Variants in MUC5B observed in about 807,000 individuals in gnomAD.
MUC5B encodes the protein mucin-5B.
Under a neutral mutation model 376.9 loss-of-function variants are expected in MUC5B, and 116 were observed. The ratio of observed to expected loss-of-function variants is 0.31; its 90% confidence interval spans 0.26 to 0.36. MUC5B has a LOEUF of 0.36. Ranked by LOEUF, MUC5B falls within the 10% of genes least tolerant of loss-of-function variation. The pLI, the probability that MUC5B is intolerant of heterozygous loss-of-function variation, is 1.00. For synonymous variants in MUC5B, 3,517 were observed against 3,390.9 expected, an observed-to-expected ratio of 1.04 and a Z score of -1.29; for missense variants, 7,165 against 7,769.9, an observed-to-expected ratio of 0.92 and a Z score of 2.93.
At position 1,234,247 on chromosome 11, in the gene MUC5B, C is replaced by T. The variant is rs758916290; in HGVS notation, c.2420C>T (p.Ser807Leu). The change falls in exon 20 of 49, where the codon TCG (serine) becomes TTG (leucine). Residue 807 changes from serine (S) to leucine (L), a missense_variant. Physicochemically the swap from Ser to Leu is moderately radical, Grantham distance 145 (BLOSUM62 -2). Around this residue, in one of 31 missense-constraint regions of MUC5B, gnomAD observed 530 missense variants for 604.0 expected, o/e 0.88. Coordinates refer to ENST00000529681, the MANE Select transcript of MUC5B (RefSeq NM_002458.3). This position sits in a 1 kb window ranked among gnomAD's most constrained non-coding sequence, Gnocchi z 6.3. Reference sequence around the variant, plus strand: ...GTGTACCTGGACTGCAGCAACAGCTCGGCGGGCACCCCTGGGGCCGAGTGC... The same window carrying T: ...GTGTACCTGGACTGCAGCAACAGCTTGGCGGGCACCCCTGGGGCCGAGTGC... The part of the protein sequence containing the change: ...PMVYLDCSNS[S>L]AGTPGAECLR... The T allele has an allele frequency of 8.1e-6, 13 of 1,603,220 alleles. No homozygotes were observed. Among genetic ancestry groups the T allele is most frequent in the South Asian group, 2.2e-5 (2 of 89,568 alleles).
Position 1,261,815 on chromosome 11 carries a change from A to C in MUC5B, c.*207A>C, listed in dbSNP as rs55957319. 2.7e-4 allele frequency: 189 copies of C among 702,300 alleles called. No individual in the cohort carries two copies. The highest frequency in any genetic ancestry group is 1.8e-3 in the Admixed American group (91 of 49,822). 43.5% of individuals were successfully genotyped at this position (702,300 alleles called of 1,614,324 possible). The stretch of plus-strand genomic sequence containing the variant: ...GACCCCTTTCGGGAGGGCGCCACTC[A>C]GGAGTCCTACCCTGGGAGAGCCTGT... On this transcript the variant is annotated 3_prime_UTR_variant, in exon 49 of 49. Transcript: ENST00000529681.
Position 1,239,328 on chromosome 11 carries a change from C to T in MUC5B, c.3455-110C>T, listed in dbSNP as rs547516060. 3.5e-5 allele frequency: 50 copies of T among 1,411,508 alleles called. No individual in the cohort carries two copies. The East Asian group carries it at 9.1e-4, about 26-fold the overall frequency. The allele number at this position is 1,411,508 out of a possible 1,614,324, so 87.4% of individuals were successfully genotyped here. ...AGGCCCTGCATGTCTGGGACAAGCC[C>T]GGGTCTGGCTCTGGGGACACCGGCC... On this transcript the variant is annotated intron_variant, in intron 26 of 48. Coordinates refer to ENST00000529681, the MANE Select transcript of MUC5B (RefSeq NM_002458.3).
chr11:1,241,315 G>T lies in MUC5B; in HGVS notation c.4435G>T (p.Ala1479Ser), dbSNP rs1188259276. 6 of 1,607,068 alleles carry T rather than the reference G, an allele frequency of 3.7e-6. No individual in the cohort carries two copies. The highest frequency in any genetic ancestry group is 3.4e-6 in the Non-Finnish European group (4 of 1,176,778). Residue 1479 changes from alanine (A) to serine (S), a missense_variant, in exon 31 of 49, where the codon GCC (alanine) becomes TCC (serine). Ala to Ser is a moderately conservative substitution (Grantham distance 99). Coordinates refer to ENST00000529681, the MANE Select transcript of MUC5B (RefSeq NM_002458.3). Reference sequence around the variant, plus strand: ...GACCCCGAGCATCCGGTCGACGGCGGCCCTCACCTCGCAGACTGGGTCCAG... The same window carrying T: ...GACCCCGAGCATCCGGTCGACGGCGTCCCTCACCTCGCAGACTGGGTCCAG... ...WVTPSIRSTA[A>S]LTSQTGSSSG...
At chr11:1,227,846 C>T (rs951270758) in intron 7 of MUC5B, 65 bp downstream of exon 7, 13 of 665,952 alleles carry the variant, frequency 2.0e-5, no homozygotes, top group East Asian at 1.4e-4. Flanking sequence ...GGAGCTGGGC[C>T]GAGGTCTGAG....
Position 1,250,958 on chromosome 11 carries a change from C to G in MUC5B, c.14078C>G (p.Thr4693Ser). ...ACTACGATCACGGCCACCGGCTCCA[C>G]CACCAACCCCTCCTCAACTCCAGGG... ...TATTITATGS[T>S]TNPSSTPGTT... The change falls in exon 31 of 49, where the codon ACC becomes AGC. Residue 4693 changes from threonine to serine, a missense_variant. Coordinates refer to ENST00000529681, the MANE Select transcript of MUC5B (RefSeq NM_002458.3). The G allele has an allele frequency of 6.2e-7, 1 of 1,611,044 alleles. No homozygotes were observed. Among genetic ancestry groups the G allele is most frequent in the Non-Finnish European group, 8.5e-7 (1 of 1,178,364 alleles).
At chr11:1,236,340 TG>T (rs1862156099) in intron 23 of MUC5B, 45 bp from the exon 24 acceptor site, 3 of 1,565,530 alleles carry the variant, frequency 1.9e-6, no homozygotes, top group Non-Finnish European at 1.7e-6. Flanking sequence ...GGCCCCTCCC[TG>T]GGGGCCACAG....
rs1429066526 is a variant in MUC5B, at chr11:1,247,367, C to A, written c.10487C>A (p.Ala3496Glu). 1.2e-6 allele frequency: 2 copies of A among 1,610,842 alleles called. No individual in the cohort carries two copies. The highest frequency in any genetic ancestry group is 3.3e-5 in the Admixed American group (2 of 59,960). Residue 3496 changes from alanine to glutamate, a missense_variant, in exon 31 of 49, where the codon GCA (alanine) becomes GAA (glutamate). By Grantham distance (107) the Ala-to-Glu change is moderately radical. This residue lies in a region of MUC5B where 939 missense variants were observed against 770.6 expected (regional missense o/e 1.22). Coordinates refer to ENST00000529681, the MANE Select transcript of MUC5B (RefSeq NM_002458.3). Reference sequence around the variant, plus strand: ...TCCACGGTGACTTCCCACACCCCAGCAGCAACCACCAGTACCACCCAGCAC... The same window carrying A: ...TCCACGGTGACTTCCCACACCCCAGAAGCAACCACCAGTACCACCCAGCAC... ...EPSTVTSHTP[A>E]ATTSTTQHST...
rs574477477 is a variant in MUC5B at position 1,246,212 on chromosome 11, C to T, written c.9332C>T (p.Thr3111Met). 13 of 1,612,566 alleles carry T rather than the reference C, an allele frequency of 8.1e-6. No individual in the cohort carries two copies. The highest frequency in any genetic ancestry group is 1.7e-4 in the Middle Eastern group (1 of 6,058). The part of the protein sequence containing the change: ...ETTHTSTVLT[T>M]KATTTRATSS... ...ACCCACACCTCCACAGTGCTGACCA[C>T]GAAGGCCACCACGACAAGGGCCACC... Residue 3111 changes from threonine to methionine, a missense_variant, in exon 31 of 49, where the codon ACG (threonine) becomes ATG (methionine). This residue lies in a region of MUC5B where 939 missense variants were observed against 770.6 expected (regional missense o/e 1.22). Coordinates refer to ENST00000529681, the MANE Select transcript of MUC5B (RefSeq NM_002458.3).
In MUC5B at chr11:1,226,773, C is replaced by T. The variant is rs1216538683; in HGVS notation, c.358C>T (p.Arg120Ter). 3 of 1,612,524 alleles carry T rather than the reference C, an allele frequency of 1.9e-6. No individual in the cohort carries two copies. Among genetic ancestry groups the T allele is most frequent in the Non-Finnish European group, 2.5e-6 (3 of 1,179,804 alleles). The change falls in exon 4 of 49, where the codon CGA (arginine) becomes TGA (stop). Residue 120 changes from arginine to a stop codon, truncating the protein, a stop_gained. Transcript: ENST00000529681. LOFTEE classifies it high-confidence loss of function. Reference sequence around the variant, plus strand: ...CGAGGACTTCAACGTCCAGCTACGCCGAGGCCTAGTGGGCTCCAGGCCTGT... The same window carrying T: ...CGAGGACTTCAACGTCCAGCTACGCTGAGGCCTAGTGGGCTCCAGGCCTGT... Reference protein sequence around the residue: ...AYEDFNVQLRRGLVGSRPVVT... With the variant: ...AYEDFNVQLR
chr11:1,235,458 C>T (rs375250689), intron 23 of MUC5B, 45 bp downstream of exon 23: 56 of 1,524,428 alleles, frequency 3.7e-5, no homozygotes, highest in Non-Finnish European at 4.1e-5. Flanking sequence ...CTGCAGCCAA[C>T]GAGCCGGCCC....
chr11:1,244,666 C>T lies in MUC5B; in HGVS notation c.7786C>T (p.Pro2596Ser). The T allele has an allele frequency of 1.2e-6, 2 of 1,612,560 alleles. No homozygotes were observed. Among genetic ancestry groups the T allele is most frequent in the East Asian group, 2.2e-5 (1 of 44,846 alleles). Reference sequence around the variant, plus strand: ...CGGGGCCACCGGCTCTGTGGCCACCCCCTCCTCCACCCCAGGAACAGCTCA... The same window carrying T: ...CGGGGCCACCGGCTCTGTGGCCACCTCCTCCTCCACCCCAGGAACAGCTCA... The part of the protein sequence containing the change: ...TTGATGSVAT[P>S]SSTPGTAHTT... Residue 2596 changes from proline to serine, a missense_variant, in exon 31 of 49, where the codon CCC becomes TCC. Coordinates refer to ENST00000529681, the MANE Select transcript of MUC5B (RefSeq NM_002458.3).
chr11:1,246,615 G>C lies in MUC5B; in HGVS notation c.9735G>C (p.Leu3245=). ...TTACAGCCATCCCCTCTTCCTCCCT[G>C]GGCACCGCCTGGACCCGCCTATCAC... ...TSVTAIPSSS[L]GTAWTRLSQT... is the part of the protein sequence containing the mutation. Residue 3245 remains leucine (L), a synonymous_variant, in exon 31 of 49, where the codon CTG becomes CTC. Transcript: ENST00000529681. The C allele has an allele frequency of 3.7e-6, 6 of 1,612,418 alleles. No individual in the cohort carries two copies. The highest frequency in any genetic ancestry group is 4.2e-6 in the Non-Finnish European group (5 of 1,179,312).
At chr11:1,237,254 C>G in intron 25 of MUC5B, 90 bp downstream of exon 25, 1 of 1,291,114 alleles carries the variant, frequency 7.7e-7, no homozygotes, top group Non-Finnish European at 9.8e-7. Flanking sequence ...CAGACAGCAG[C>G]GCTCCAAGGA....
Position 1,236,493 on chromosome 11 carries a change from G to C in MUC5B, c.2988G>C (p.Glu996Asp). The C allele has an allele frequency of 1.9e-6, 3 of 1,613,166 alleles. No homozygotes were observed. The highest frequency in any genetic ancestry group is 2.5e-6 in the Non-Finnish European group (3 of 1,179,840). ...ACATGGGGATCTTCCTGGTCATCGA[G>C]ACCCACGGGATGGCCGTGTCCTGGG... ...IRYMGIFLVI[E>D]THGMAVSWDR... is the part of the protein sequence containing the mutation. The change falls in exon 24 of 49, where the codon GAG (glutamate) becomes GAC (aspartate). Residue 996 changes from glutamate to aspartate, a missense_variant. Glu to Asp is a conservative substitution (Grantham distance 45, BLOSUM62 2). Transcript: ENST00000529681.
At position 1,241,308 on chromosome 11, in the gene MUC5B, G is replaced by A. The variant is rs566824940; in HGVS notation, c.4428G>A (p.Ser1476=). ...TATGGGTGACCCCGAGCATCCGGTC[G>A]ACGGCGGCCCTCACCTCGCAGACTG... The part of the protein sequence containing the change: ...TTLWVTPSIR[S]TAALTSQTGS... Residue 1476 remains serine, a synonymous_variant, in exon 31 of 49, where the codon TCG becomes TCA. Coordinates refer to ENST00000529681, the MANE Select transcript of MUC5B (RefSeq NM_002458.3). 22 of 1,605,062 alleles carry A rather than the reference G, an allele frequency of 1.4e-5. No homozygotes were observed. Among genetic ancestry groups the A allele is most frequent in the Admixed American group, 3.4e-5 (2 of 58,412 alleles).
chr11:1,240,587 A>G (rs1206340140), intron 30 of MUC5B, among the ~76,000 whole-genome samples: 1 of 152,206 alleles, frequency 6.6e-6, no homozygotes, highest in African/African-American at 2.4e-5. Flanking sequence ...GGATACCCCA[A>G]GGAGACAATA....
At chr11:1,230,270 G>C in intron 11 of MUC5B, 127 bp downstream of exon 11, 2 of 1,364,746 alleles carry the variant, frequency 1.5e-6, no homozygotes, top group Non-Finnish European at 2.0e-6. Flanking sequence ...GGGAGCCCTG[G>C]GTCCCCATGA....
chr11:1,234,053 G>T lies in MUC5B; in HGVS notation c.2378-152G>T, dbSNP rs1271405014. Reference sequence around the variant, plus strand: ...GGTCTCTGCCCCGCAGTGTGGCCGGGGTGTCCTGGGGTTGGGGGCTGCAGG... The same window carrying T: ...GGTCTCTGCCCCGCAGTGTGGCCGGTGTGTCCTGGGGTTGGGGGCTGCAGG... On this transcript the variant is annotated intron_variant, in intron 19 of 48. Coordinates refer to ENST00000529681, the MANE Select transcript of MUC5B (RefSeq NM_002458.3). This position sits in a 1 kb window ranked among gnomAD's most constrained non-coding sequence, Gnocchi z 6.3. 1.3e-4 allele frequency among the ~76,000 whole-genome samples: 20 copies of T among 152,210 alleles called. No individual in the cohort carries two copies. The highest frequency in any genetic ancestry group is 2.9e-4 in the Non-Finnish European group (20 of 68,022).
rs745774506 is a variant in MUC5B at position 1,245,277 on chromosome 11, C to T, written c.8397C>T (p.Thr2799=). The T allele has an allele frequency of 3.3e-5, 53 of 1,592,348 alleles. 1 individual carries two copies. The highest frequency in any genetic ancestry group is 2.3e-4 in the Middle Eastern group (1 of 4,420). Residue 2799 remains threonine (T), a synonymous_variant, in exon 31 of 49, where the codon ACC becomes ACT. Coordinates refer to ENST00000529681, the MANE Select transcript of MUC5B (RefSeq NM_002458.3). ...TGTSHTPAAT[T]GTTQHSTPAL... ...CTTCCCACACCCCAGCAGCAACCACCGGTACCACCCAGCACTCGACTCCAG... is the reference window on the plus strand; with the variant it reads ...CTTCCCACACCCCAGCAGCAACCACTGGTACCACCCAGCACTCGACTCCAG...
Sources: gnomAD v4.1 joint callset for allele counts (sites outside exome capture counted in the v4.1 genomes callset) on GRCh38, gnomAD v4.1.1 for gene constraint, gnomAD v4.1.1 regional missense constraint, Gnocchi (gnomAD v3.1) non-coding constraint, MANE v1.5 for transcripts, NCBI Gene and HGNC (gene_info 2026-07-23, HGNC 2026-07-21) for gene names.